INPP4B: variants seen among roughly 807,000 people sequenced by gnomAD.
INPP4B encodes inositol polyphosphate-4-phosphatase type II B.
In INPP4B, 55 loss-of-function variants were observed where a neutral mutation model predicts 122.5. The ratio of observed to expected loss-of-function variants is 0.45; its 90% CI spans 0.36 to 0.56. The LOEUF (loss-of-function observed/expected upper bound fraction) is 0.56, where lower values mean the gene tolerates loss of function less well. Ranked by LOEUF, INPP4B falls within the 20% of genes least tolerant of loss-of-function variation. The pLI is 0.00. For missense variants in INPP4B, 1,000 were observed against 1,097.7 expected (o/e 0.91, Z 1.26); for synonymous variants, 403 against 388.7 (o/e 1.04, Z -0.43).
At chr4:142,482,743 C>T (rs1192511336) in intron 2 of INPP4B, among the ~76,000 whole-genome samples, 3 of 152,046 alleles carry the variant, frequency 2.0e-5, no homozygotes, top group Admixed American at 1.3e-4. Flanking sequence ...CTTTCCTGAC[C>T]TTTTTGACTT....
rs1183274849 is a variant in INPP4B at position 142,024,048 on chromosome 4, G to T, written c.*4734C>A. ...AATGTTTGATTCTCTTATTTGCTTA[G>T]AAATAGAATTCAATGAGTGATTAAT... On this transcript the variant is annotated 3_prime_UTR_variant, in exon 26 of 26. Transcript: ENST00000262992. The T allele has an allele frequency of 1.3e-5, 2 of 151,764 alleles. No individual in the cohort carries two copies. The highest frequency in any genetic ancestry group is 1.9e-4 in the East Asian group (1 of 5,156). 9.4% of individuals were successfully genotyped at this position (151,764 alleles called of 1,614,324 possible).
chr4:142,788,984 C>CAGAT (rs1156654779), intron 1 of INPP4B, among the ~76,000 whole-genome samples: 1 of 152,034 alleles, frequency 6.6e-6, no homozygotes, highest in Non-Finnish European at 1.5e-5. Flanking sequence ...AAACAAAAAC[C>CAGAT]AGATGATCAT....
At chr4:142,488,840 T>C (rs1050684873) in intron 2 of INPP4B, among the ~76,000 whole-genome samples, 2 of 152,048 alleles carry the variant, frequency 1.3e-5, no homozygotes, top group African/African-American at 4.8e-5. Flanking sequence ...AGTCTTTTAT[T>C]TTTTTTCACT....
intron 7 of INPP4B, among the ~76,000 whole-genome samples, chr4:142,353,711 G>A (rs1184037612): frequency 6.6e-6 from 1 of 151,906 alleles, no homozygotes; most frequent in Admixed American, 6.6e-5. Flanking sequence ...GGAATATTTG[G>A]CTTTTTGGTG....
chr4:142,217,488 A>G (rs1239802906), intron 12 of INPP4B, among the ~76,000 whole-genome samples: 1 of 152,206 alleles, frequency 6.6e-6, no homozygotes, highest in Non-Finnish European at 1.5e-5. Flanking sequence ...TATAGTGCTA[A>G]GCTCTGCCAA....
chr4:142,236,774 A>AT (rs2149949304), intron 12 of INPP4B, among the ~76,000 whole-genome samples: 1 of 152,280 alleles, frequency 6.6e-6, no homozygotes, highest in East Asian at 1.9e-4. Flanking sequence ...TTAGGTCAAT[A>AT]TGGAATCCCT....
At position 142,451,398 on chromosome 4, in the gene INPP4B, C is replaced by A. The variant is rs1325747329; in HGVS notation, c.-127+11265G>T. On this transcript the variant is annotated intron_variant, in intron 3 of 25. Transcript: ENST00000262992. ...CCTGAGTAGCTGGATTACAGGCACA[C>A]ACCACCACGCCTGGCTAATTTTTTG... Among the ~76,000 whole-genome samples the A allele has an allele frequency of 4.0e-5, 6 of 151,822 alleles. No homozygotes were observed. In the South Asian group the frequency reaches 8.3e-4, roughly 21 times the overall value.
At chr4:142,422,241 A>G (rs192710654) in intron 5 of INPP4B, among the ~76,000 whole-genome samples, 23 of 152,262 alleles carry the variant, frequency 1.5e-4, no homozygotes, top group African/African-American at 4.8e-4. Flanking sequence ...ATAAGAAGTA[A>G]TTAATATATG....
At chr4:142,353,620 AC>A (rs1782651923) in intron 7 of INPP4B, among the ~76,000 whole-genome samples, 1 of 152,020 alleles carries the variant, frequency 6.6e-6, no homozygotes, top group Non-Finnish European at 1.5e-5. Context: ...AGATGCATAT[AC>A]AACTGCATCT....
chr4:142,076,635 C>T (rs1202600178), intron 25 of INPP4B, among the ~76,000 whole-genome samples: 3 of 152,000 alleles, frequency 2.0e-5, no homozygotes, highest in African/African-American at 7.2e-5. Context: ...TCCCTACAAA[C>T]ACATCCCTTT....
At chr4:142,760,339 A>G (rs1771148837) in intron 1 of INPP4B, among the ~76,000 whole-genome samples, 1 of 152,176 alleles carries the variant, frequency 6.6e-6, no homozygotes, top group South Asian at 2.1e-4. Flanking sequence ...AACTAACAAA[A>G]GAGATTCAGA....
At chr4:142,842,033 G>T (rs1364203291) in intron 1 of INPP4B, among the ~76,000 whole-genome samples, 3 of 151,734 alleles carry the variant, frequency 2.0e-5, no homozygotes, top group Non-Finnish European at 4.4e-5. Context: ...TCCTTTTAAG[G>T]GAGGAGATGT....
intron 1 of INPP4B, among the ~76,000 whole-genome samples, chr4:142,746,186 C>T (rs1017560102): frequency 3.3e-5 from 5 of 151,676 alleles, no homozygotes; most frequent in Admixed American, 2.6e-4. Flanking sequence ...ATAGGACATA[C>T]ACTAACCAGA....
intron 2 of INPP4B, among the ~76,000 whole-genome samples, chr4:142,683,874 C>A (rs2120159): frequency 0.78 from 117,911 of 151,706 alleles, 46,501 homozygotes; most frequent in East Asian, 0.85. Context: ...GAAATTTTGG[C>A]AACTTCACAG....
At chr4:142,800,876 C>T (rs1167372807) in intron 1 of INPP4B, among the ~76,000 whole-genome samples, 1 of 152,056 alleles carries the variant, frequency 6.6e-6, no homozygotes, top group African/African-American at 2.4e-5. Context: ...AAACAGAAGA[C>T]AGCACATTAT....
chr4:142,257,438 T>C (rs1393570117), intron 11 of INPP4B, among the ~76,000 whole-genome samples: 1 of 152,180 alleles, frequency 6.6e-6, no homozygotes, highest in Admixed American at 6.5e-5. Flanking sequence ...GATGACATGA[T>C]TGTATATCTA....
rs144752098 is a variant in INPP4B, at chr4:142,506,537, C to T, written c.-190-43811G>A. On this transcript the variant is annotated intron_variant, in intron 2 of 25. Coordinates refer to ENST00000262992, the MANE Select transcript of INPP4B (RefSeq NM_001101669.3). ...ACTGGGCATCTGAAGCACATGGCAC[C>T]GTACCGACTTACAAGAGCACCAGAC... Among the ~76,000 whole-genome samples the T allele has an allele frequency of 1.6e-3, 236 of 152,220 alleles. 8 individuals carry two copies. In the South Asian group the frequency reaches 0.028, roughly 18 times the overall value.
chr4:142,523,622 T>C (rs1826398404), intron 2 of INPP4B, among the ~76,000 whole-genome samples: 1 of 152,106 alleles, frequency 6.6e-6, no homozygotes, highest in Non-Finnish European at 1.5e-5. Flanking sequence ...CCTCCTGCTT[T>C]TAGCTTTTCT....
At chr4:142,405,987 C>T (rs960591785) in intron 5 of INPP4B, among the ~76,000 whole-genome samples, 8 of 152,128 alleles carry the variant, frequency 5.3e-5, no homozygotes. Context: ...ACACCAGGCT[C>T]ATATTACAGA....
Sources: gnomAD v4.1 joint callset for allele counts (sites outside exome capture counted in the v4.1 genomes callset) on GRCh38, gnomAD v4.1.1 for gene constraint, MANE v1.5 for transcripts, NCBI Gene and HGNC (gene_info 2026-07-23, HGNC 2026-07-21) for gene names.